KIAA1671: variants seen among roughly 807,000 people sequenced by gnomAD.
KIAA1671 encodes the protein KIAA1671.
KIAA1671 carries 52 observed loss-of-function variants against 131.2 expected under a neutral mutation model. The ratio of observed to expected loss-of-function variants is 0.40; its 90% CI spans 0.32 to 0.50. The LOEUF is 0.50. KIAA1671 is among the 20% of genes least tolerant of loss of function. The pLI is 0.73. For missense variants in KIAA1671, 2,360 were observed against 2,364.2 expected (o/e 1.00, Z 0.04); for synonymous variants, 1,003 against 961.6 (o/e 1.04, Z -0.80).
chr22:25,109,853 C>T (rs970874736), intron 6 of KIAA1671: 1 of 152,230 alleles, frequency 6.6e-6, no homozygotes, highest in African/African-American at 2.4e-5. Context: ...TGTGGTGGCT[C>T]ATGCTTGTAA....
At chr22:25,166,444 C>T (rs1373447304) in intron 6 of KIAA1671, among the ~76,000 whole-genome samples, 2 of 152,124 alleles carry the variant, frequency 1.3e-5, no homozygotes, top group East Asian at 3.9e-4. Flanking sequence ...TGGAAACTGC[C>T]CCCCTGCCGC....
intron 1 of KIAA1671, among the ~76,000 whole-genome samples, chr22:25,002,090 G>A (rs1041577275): frequency 2.0e-5 from 3 of 152,076 alleles, no homozygotes; most frequent in Admixed American, 2.0e-4. Flanking sequence ...AACACTTCTC[G>A]AAACCCTTTC....
intron 1 of KIAA1671, among the ~76,000 whole-genome samples, chr22:24,988,054 T>A (rs1923644507): frequency 4.6e-5 from 7 of 152,004 alleles, no homozygotes; most frequent in Admixed American, 4.6e-4. Flanking sequence ...GGCGGGTGGA[T>A]CACCTGAGGT....
chr22:25,085,525 C>T (rs1308517984), intron 6 of KIAA1671, among the ~76,000 whole-genome samples: 1 of 151,620 alleles, frequency 6.6e-6, no homozygotes, highest in Admixed American at 6.6e-5. Flanking sequence ...CCCATAACCC[C>T]CTGTCCGTCC....
intron 1 of KIAA1671, among the ~76,000 whole-genome samples, chr22:25,001,201 ATG>A (rs1924454758): frequency 1.7e-5 from 2 of 120,630 alleles, no homozygotes; most frequent in African/African-American, 6.8e-5. Flanking sequence ...ATATGTGTGT[ATG>A]TGTATGTATG....
At chr22:25,157,929 C>T (rs1933301094) in intron 6 of KIAA1671, among the ~76,000 whole-genome samples, 1 of 151,986 alleles carries the variant, frequency 6.6e-6, no homozygotes, top group South Asian at 2.1e-4. Context: ...TCATGCCTTT[C>T]TCCTGCCTCA....
chr22:25,056,873 T>C (rs1927868934), intron 6 of KIAA1671: 1 of 150,398 alleles, frequency 6.6e-6, no homozygotes, highest in Admixed American at 6.6e-5. Context: ...CAAGGTGCGA[T>C]GAACAGTGCC....
intron 6 of KIAA1671, among the ~76,000 whole-genome samples, chr22:25,118,925 A>G (rs1931806874): frequency 6.6e-6 from 1 of 152,066 alleles, no homozygotes; most frequent in African/African-American, 2.4e-5. Flanking sequence ...ACCTCTGCAG[A>G]GAGGCTTCCC....
At chr22:25,189,943 A>T (rs1934614499) in intron 11 of KIAA1671, among the ~76,000 whole-genome samples, 1 of 152,142 alleles carries the variant, frequency 6.6e-6, no homozygotes. Flanking sequence ...AGTTTATCTC[A>T]TAGAACAGAT....
intron 6 of KIAA1671, among the ~76,000 whole-genome samples, chr22:25,164,210 G>A (rs1391945213): frequency 6.6e-6 from 1 of 152,192 alleles, no homozygotes; most frequent in Non-Finnish European, 1.5e-5. Context: ...AAAAGGTGGG[G>A]CAGGTAGAAT....
At chr22:25,098,885 A>G (rs1244964524) in intron 6 of KIAA1671, among the ~76,000 whole-genome samples, 2 of 152,182 alleles carry the variant, frequency 1.3e-5, no homozygotes, top group African/African-American at 2.4e-5. Flanking sequence ...GAGGCTCCCC[A>G]TGTGCAGAGA....
At chr22:25,179,786 T>C (rs1934201430) in intron 9 of KIAA1671, among the ~76,000 whole-genome samples, 1 of 152,240 alleles carries the variant, frequency 6.6e-6, no homozygotes, top group Non-Finnish European at 1.5e-5. Flanking sequence ...ACCCCTGTAT[T>C]CTCTTTAGGT....
At chr22:24,969,999 G>GGGGCTT (rs1246369604) in intron 1 of KIAA1671, among the ~76,000 whole-genome samples, 3 of 152,218 alleles carry the variant, frequency 2.0e-5, no homozygotes, top group Admixed American at 6.5e-5. Flanking sequence ...TGCTCAGAAC[G>GGGGCTT]GGGCTTGGGC....
intron 6 of KIAA1671, among the ~76,000 whole-genome samples, chr22:25,155,038 T>A: frequency 6.6e-6 from 1 of 152,012 alleles, no homozygotes; most frequent in South Asian, 2.1e-4. Context: ...TCTCCCCCAC[T>A]CTGTCTGAGG....
At chr22:25,161,642 C>T (rs1313644819) in intron 6 of KIAA1671, among the ~76,000 whole-genome samples, 1 of 152,196 alleles carries the variant, frequency 6.6e-6, no homozygotes, top group Non-Finnish European at 1.5e-5. Context: ...GGGATGGGAG[C>T]ACGTGTGCCG....
intron 11 of KIAA1671, among the ~76,000 whole-genome samples, chr22:25,188,965 C>T (rs1437005090): frequency 1.3e-5 from 2 of 152,050 alleles, no homozygotes; most frequent in African/African-American, 4.8e-5. Context: ...CACATGTAGA[C>T]ACACGTATGT....
intron 6 of KIAA1671, among the ~76,000 whole-genome samples, chr22:25,121,394 G>A (rs780416752): frequency 3.3e-5 from 5 of 151,716 alleles, no homozygotes; most frequent in South Asian, 2.1e-4. Flanking sequence ...CCTGGGGGGC[G>A]GAGCCTGCAG....
intron 6 of KIAA1671, among the ~76,000 whole-genome samples, chr22:25,123,628 A>T (rs1932049352): frequency 6.6e-6 from 1 of 152,154 alleles, no homozygotes. Flanking sequence ...GAGGAACTGA[A>T]GCCTCCAGTC....
chr22:25,088,172 G>A (rs1929835080), intron 6 of KIAA1671, among the ~76,000 whole-genome samples: 2 of 150,916 alleles, frequency 1.3e-5, no homozygotes, highest in African/African-American at 2.4e-5. Context: ...CAGTGGTGCA[G>A]TCTCGGCTCA....
Sources: gnomAD v4.1 joint callset for allele counts (sites outside exome capture counted in the v4.1 genomes callset) on GRCh38, gnomAD v4.1.1 for gene constraint, MANE v1.5 for transcripts, NCBI Gene and HGNC (gene_info 2026-07-23, HGNC 2026-07-21) for gene names.